Variants in SMAD1 observed in about 807,000 individuals in gnomAD.
SMAD1 encodes the protein MAD, mothers against decapentaplegic homolog 1.
SMAD1 carries 6 observed loss-of-function variants against 41.6 expected under a neutral mutation model. The ratio of observed to expected loss-of-function variants is 0.14; its 90% CI spans 0.08 to 0.28. SMAD1 has a LOEUF of 0.28. Ranked by LOEUF, SMAD1 falls within the 10% of genes least tolerant of loss-of-function variation. SMAD1 has a pLI of 1.00. For missense variants in SMAD1, 379 were observed against 582.6 expected, an observed-to-expected ratio of 0.65 and a Z score of 3.60; for synonymous variants, 206 against 203.2, an observed-to-expected ratio of 1.01 and a Z score of -0.12.
intron 2 of SMAD1, among the ~76,000 whole-genome samples, chr4:145,530,375 A>C (rs1180275940): frequency 6.6e-6 from 1 of 152,204 alleles, no homozygotes; most frequent in East Asian, 1.9e-4. Flanking sequence ...CCACAAAGAT[A>C]GGTTGAAGCA....
chr4:145,499,017 T>TCTTCTACCATC (rs1729265112), intron 1 of SMAD1, among the ~76,000 whole-genome samples: 1 of 152,292 alleles, frequency 6.6e-6, no homozygotes, highest in Admixed American at 6.5e-5. Context: ...TTCAGACCAT[T>TCTTCTACCATC]CTTCTACCAT....
chr4:145,484,223 TAA>T (rs978165204), intron 1 of SMAD1, among the ~76,000 whole-genome samples: 3 of 152,174 alleles, frequency 2.0e-5, no homozygotes, highest in African/African-American at 7.2e-5. Flanking sequence ...TGTGTGTGTA[TAA>T]AAGATCTCAT....
chr4:145,547,084 A>G (rs1477122230), intron 5 of SMAD1, among the ~76,000 whole-genome samples, 160 bp downstream of exon 5: 4 of 152,228 alleles, frequency 2.6e-5, no homozygotes, highest in African/African-American at 9.6e-5. Context: ...TGCTATCTGG[A>G]AGCTCTTGCA....
At chr4:145,556,779 C>A (rs1220524693) in intron 6 of SMAD1, among the ~76,000 whole-genome samples, 1 of 152,206 alleles carries the variant, frequency 6.6e-6, no homozygotes, top group Non-Finnish European at 1.5e-5. Context: ...CAACTTCCGC[C>A]TCCTGGATTC....
intron 1 of SMAD1, among the ~76,000 whole-genome samples, chr4:145,512,940 C>A (rs568564578): frequency 6.6e-6 from 1 of 152,266 alleles, no homozygotes; most frequent in East Asian, 1.9e-4. Flanking sequence ...AAAGACTGAT[C>A]CGTTTCATTT....
At chr4:145,525,667 G>A (rs1730982722) in intron 2 of SMAD1, 1 of 152,388 alleles carries the variant, frequency 6.6e-6, no homozygotes, top group Non-Finnish European at 1.5e-5. Flanking sequence ...CCTGGTGTAT[G>A]GGAGATGGAG....
chr4:145,483,881 G>A (rs1295682192), intron 1 of SMAD1, among the ~76,000 whole-genome samples: 2 of 152,108 alleles, frequency 1.3e-5, no homozygotes, highest in South Asian at 4.2e-4. Context: ...GTATCCTTTG[G>A]TTTCGTATCC....
At chr4:145,515,183 T>G (rs1049919930) in intron 2 of SMAD1, among the ~76,000 whole-genome samples, 170 bp downstream of exon 2, 2 of 151,370 alleles carry the variant, frequency 1.3e-5, no homozygotes, top group African/African-American at 2.4e-5. Flanking sequence ...TGTGTCTGTG[T>G]GAATGCAAGA....
Position 145,527,227 on chromosome 4 carries a change from C to CT in SMAD1, c.400+12228dup, listed in dbSNP as rs368437867. ...ACTTACCATCTATTCTCATTTAATT[C>CT]TTTTTTTTTTTTTTGAGACGGAGTC... On this transcript the variant is annotated intron_variant, in intron 2 of 6. Transcript: ENST00000302085. Among the ~76,000 whole-genome samples the CT allele has an allele frequency of 9.3e-4, 134 of 143,540 alleles. 1 individual carries two copies. The highest frequency in any genetic ancestry group is 1.4e-3 in the East Asian group (7 of 4,910). The allele number at this position is 143,540 out of a possible 152,430, so 94.2% of individuals were successfully genotyped here.
chr4:145,556,405 CATAG>C (rs908473070), intron 6 of SMAD1, among the ~76,000 whole-genome samples: 57 of 152,096 alleles, frequency 3.7e-4, no homozygotes, highest in African/African-American at 1.3e-3. Flanking sequence ...TATATATCTA[CATAG>C]ATGTAGTTCA....
intron 4 of SMAD1, among the ~76,000 whole-genome samples, chr4:145,543,837 A>T (rs1004204336): frequency 2.0e-5 from 3 of 152,236 alleles, no homozygotes; most frequent in Admixed American, 6.5e-5. Flanking sequence ...CACTCAACAC[A>T]TGGCATGGGT....
chr4:145,489,427 A>T (rs942719663), intron 1 of SMAD1, among the ~76,000 whole-genome samples: 7 of 152,176 alleles, frequency 4.6e-5, no homozygotes, highest in African/African-American at 1.4e-4. Flanking sequence ...TGAGATGATA[A>T]ATCTCTGGTA....
intron 2 of SMAD1, among the ~76,000 whole-genome samples, chr4:145,524,567 CTATAGATCA>C (rs1321100874): frequency 6.6e-6 from 1 of 152,160 alleles, no homozygotes; most frequent in African/African-American, 2.4e-5. Context: ...AGACAGTAGT[CTATAGATCA>C]TACAAAGTAC....
At chr4:145,548,096 TG>T (rs1401037098) in intron 5 of SMAD1, among the ~76,000 whole-genome samples, 1 of 152,206 alleles carries the variant, frequency 6.6e-6, no homozygotes, top group Non-Finnish European at 1.5e-5. Context: ...GAAGTGCTTA[TG>T]GAACTCATGG....
At chr4:145,504,714 G>C (rs1226872598) in intron 1 of SMAD1, among the ~76,000 whole-genome samples, 3 of 152,132 alleles carry the variant, frequency 2.0e-5, no homozygotes, top group African/African-American at 7.2e-5. Flanking sequence ...AGTTATTTCA[G>C]CTTTATCAAA....
At chr4:145,557,027 T>C (rs947352866) in intron 6 of SMAD1, among the ~76,000 whole-genome samples, 1 of 145,130 alleles carries the variant, frequency 6.9e-6, no homozygotes, top group Admixed American at 6.7e-5. Flanking sequence ...CAGAAATAAA[T>C]AGAACCCAAC....
intron 1 of SMAD1, among the ~76,000 whole-genome samples, chr4:145,485,105 G>A (rs1332138881): frequency 6.6e-6 from 1 of 152,114 alleles, no homozygotes; most frequent in Non-Finnish European, 1.5e-5. Flanking sequence ...GTCTCTCTGT[G>A]TTACCCAGGC....
rs1731430353 is a variant in SMAD1 at position 145,533,410 on chromosome 4, G to A, written c.401-6394G>A. Among the ~76,000 whole-genome samples the A allele has an allele frequency of 2.0e-5, 3 of 152,248 alleles. No individual in the cohort carries two copies. In the South Asian group the frequency reaches 6.2e-4, roughly 32 times the overall value. Reference sequence around the variant, plus strand: ...CCTACTTATACAGTCTCCAGGGTGGGTGTGGTGGCTCATGCCTGTAATCCC... The same window carrying A: ...CCTACTTATACAGTCTCCAGGGTGGATGTGGTGGCTCATGCCTGTAATCCC... On this transcript the variant is annotated intron_variant, in intron 2 of 6. Transcript: ENST00000302085.
chr4:145,491,705 C>T (rs2126940124), intron 1 of SMAD1, among the ~76,000 whole-genome samples: 2 of 152,298 alleles, frequency 1.3e-5, no homozygotes, highest in South Asian at 4.1e-4. Context: ...CTGCTTCCCT[C>T]CATAACATGG....
Sources: allele counts gnomAD v4.1 joint callset (sites outside exome capture counted in the v4.1 genomes callset), GRCh38; gene constraint gnomAD v4.1.1; transcripts MANE v1.5; gene names NCBI Gene and HGNC (gene_info 2026-07-23, HGNC 2026-07-21).